EPS15: variants seen among roughly 807,000 people sequenced by gnomAD.
EPS15 encodes epidermal growth factor receptor pathway substrate 15, also known as epidermal growth factor receptor substrate 15.
Under a neutral mutation model 113.8 loss-of-function variants are expected in EPS15, and 72 were observed. The ratio of observed to expected loss-of-function variants is 0.63; its 90% CI spans 0.52 to 0.77. EPS15 has a LOEUF of 0.77. Ranked by LOEUF, EPS15 falls within the 30% of genes least tolerant of loss-of-function variation. The probability of loss-of-function intolerance (pLI) is 0.00; values close to 1 mark genes in which losing one functional copy is unlikely to be tolerated. For synonymous variants in EPS15, 344 were observed against 363.4 expected (o/e 0.95, Z 0.61); for missense variants, 1,048 against 1,045.8 (o/e 1.00, Z -0.03).
chr1:51,464,241 A>AT (rs1188461906), intron 6 of EPS15, among the ~76,000 whole-genome samples: 818 of 69,118 alleles, frequency 0.012, 8 homozygotes, highest in African/African-American at 0.029. Flanking sequence ...AAATAAATAA[A>AT]ATTTTTTTTT....
At chr1:51,435,592 T>C (rs1652088251) in intron 12 of EPS15, among the ~76,000 whole-genome samples, 3 of 152,220 alleles carry the variant, frequency 2.0e-5, no homozygotes, top group African/African-American at 7.2e-5. Flanking sequence ...CCATAAACTT[T>C]GCAGGAAGTA....
chr1:51,355,615 C>T lies in EPS15; in HGVS notation c.*1085G>A. The T allele has an allele frequency of 5.2e-6, 1 of 191,160 alleles. No individual in the cohort carries two copies. 11.8% of individuals were successfully genotyped at this position (191,160 alleles called of 1,614,324 possible). On this transcript the variant is annotated 3_prime_UTR_variant, in exon 25 of 25. Transcript: ENST00000371733. ...ACATGAAGTGAGTAAATAAACTAAA[C>T]CACAAAGATGGACAAAAAGCAATAT...
chr1:51,459,415 G>A (rs779990512), intron 8 of EPS15, among the ~76,000 whole-genome samples: 1 of 152,106 alleles, frequency 6.6e-6, no homozygotes, highest in South Asian at 2.1e-4. Context: ...GAGAATCGTC[G>A]AACTTGGGAG....
chr1:51,394,515 C>T, intron 20 of EPS15, 68 bp from the exon 21 acceptor site: 1 of 842,782 alleles, frequency 1.2e-6, no homozygotes, highest in East Asian at 2.6e-5. Context: ...CATCACCACT[C>T]CAAAGAATAT....
intron 19 of EPS15, 45 bp downstream of exon 19, chr1:51,400,873 G>C (rs962803249): frequency 7.4e-7 from 1 of 1,359,628 alleles, no homozygotes; most frequent in Non-Finnish European, 1.0e-6. Flanking sequence ...TTATTATTAA[G>C]CAGAAATGAA....
chr1:51,465,837 G>T (rs1654804803), intron 5 of EPS15, among the ~76,000 whole-genome samples: 1 of 151,634 alleles, frequency 6.6e-6, no homozygotes, highest in Non-Finnish European at 1.5e-5. Context: ...CTAAACTTAA[G>T]AAATTAAATT....
chr1:51,492,164 A>C (rs944340396), intron 1 of EPS15, among the ~76,000 whole-genome samples: 3 of 152,034 alleles, frequency 2.0e-5, no homozygotes, highest in Non-Finnish European at 4.4e-5. Context: ...TTAATAATTT[A>C]ATAGACATAA....
intron 1 of EPS15, among the ~76,000 whole-genome samples, chr1:51,508,089 G>A (rs1442251740): frequency 2.0e-5 from 3 of 151,794 alleles, no homozygotes; most frequent in Non-Finnish European, 4.4e-5. Flanking sequence ...GGCTGAGGCA[G>A]GAGAATTGCT....
intron 21 of EPS15, among the ~76,000 whole-genome samples, chr1:51,373,780 GTC>G (rs1368235423): frequency 6.6e-6 from 1 of 151,978 alleles, no homozygotes; most frequent in African/African-American, 2.4e-5. Flanking sequence ...GTGAAACCCT[GTC>G]TCTACTAAAA....
At chr1:51,387,041 AG>A (rs1482996323) in intron 21 of EPS15, among the ~76,000 whole-genome samples, 3 of 152,200 alleles carry the variant, frequency 2.0e-5, no homozygotes, top group Non-Finnish European at 2.9e-5. Context: ...GTTGAAATGA[AG>A]GAAAAAAGGT....
intron 1 of EPS15, among the ~76,000 whole-genome samples, chr1:51,497,390 A>AAC (rs1644342197): frequency 6.6e-6 from 1 of 152,242 alleles, no homozygotes; most frequent in Non-Finnish European, 1.5e-5. Flanking sequence ...GGAAAAAGAT[A>AAC]ACTTGTCCAA....
chr1:51,512,614 G>A (rs1390808712), intron 1 of EPS15, among the ~76,000 whole-genome samples: 1 of 151,734 alleles, frequency 6.6e-6, no homozygotes, highest in Non-Finnish European at 1.5e-5. Context: ...AAGAGAACAG[G>A]TAAAAGACTA....
intron 12 of EPS15, among the ~76,000 whole-genome samples, chr1:51,436,578 T>C (rs1037626132): frequency 2.6e-5 from 4 of 152,088 alleles, no homozygotes; most frequent in African/African-American, 9.7e-5. Context: ...GTTGTAAATA[T>C]AAAGACTACA....
At chr1:51,480,939 G>T (rs1644009828) in intron 2 of EPS15, among the ~76,000 whole-genome samples, 2 of 152,114 alleles carry the variant, frequency 1.3e-5, no homozygotes, top group Non-Finnish European at 2.9e-5. Flanking sequence ...TTCACTTTGT[G>T]AAAATTATAC....
intron 16 of EPS15, 137 bp from the exon 17 acceptor site, chr1:51,403,669 T>C: frequency 5.8e-6 from 3 of 514,788 alleles, no homozygotes; most frequent in Non-Finnish European, 1.0e-5. Flanking sequence ...TCTCCTTCTA[T>C]AATCTTTTTT....
chr1:51,494,797 T>C (rs982631758), intron 1 of EPS15, among the ~76,000 whole-genome samples: 14 of 152,230 alleles, frequency 9.2e-5, no homozygotes, highest in Non-Finnish European at 1.5e-4. Context: ...CAAATTTCCC[T>C]TTTTATAAGG....
chr1:51,482,052 C>T (rs1014186303), intron 1 of EPS15, among the ~76,000 whole-genome samples: 1 of 152,132 alleles, frequency 6.6e-6, no homozygotes, highest in Non-Finnish European at 1.5e-5. Context: ...TGCCTGTAGT[C>T]CCAGCTACTT....
intron 13 of EPS15, among the ~76,000 whole-genome samples, chr1:51,411,862 T>C (rs1482899541): frequency 1.3e-5 from 2 of 152,222 alleles, no homozygotes; most frequent in African/African-American, 2.4e-5. Flanking sequence ...ACTGGGTATA[T>C]ACCCAAAGGA....
intron 2 of EPS15, among the ~76,000 whole-genome samples, chr1:51,474,511 A>G (rs1390708895): frequency 1.3e-5 from 2 of 152,176 alleles, no homozygotes; most frequent in Admixed American, 6.6e-5. Context: ...CAAGAATTAC[A>G]CAGGACTGAA....
Sources: allele counts gnomAD v4.1 joint callset (sites outside exome capture counted in the v4.1 genomes callset), GRCh38; gene constraint gnomAD v4.1.1; transcripts MANE v1.5; gene names NCBI Gene and HGNC (gene_info 2026-07-23, HGNC 2026-07-21).